CDH13: variants seen among roughly 807,000 people sequenced by gnomAD.
The protein encoded by CDH13 is cadherin-13.
Under a neutral mutation model 63.8 loss-of-function variants are expected in CDH13, and 24 were observed. That is an observed-to-expected ratio of 0.38 (90% CI 0.27 to 0.53). The LOEUF is 0.53. Ranked by LOEUF, CDH13 falls within the 20% of genes least tolerant of loss-of-function variation. The pLI, the probability that CDH13 is intolerant of heterozygous loss-of-function variation, is 0.85. For missense variants in CDH13, 1,049 were observed against 903.1 expected (o/e 1.16, Z -2.07); for synonymous variants, 503 against 355.3 (o/e 1.42, Z -4.67).
In CDH13 at chr16:82,683,103, C is replaced by T. The variant is rs16958238; in HGVS notation, c.45+55966C>T. On this transcript the variant is annotated intron_variant, in intron 1 of 13. Transcript: ENST00000567109. ...AAACTAGGGGTTGTAATAGCAGAAA[C>T]AGTCATCAGTATCCAGTGAAACAAT... is the stretch of plus-strand genomic sequence containing the variant. 5.5e-3 allele frequency among the ~76,000 whole-genome samples: 834 copies of T among 152,304 alleles called. 7 individuals are homozygous for T. The highest frequency in any genetic ancestry group is 0.019 in the African/African-American group (789 of 41,566).
At chr16:82,930,224 G>T (rs181675407) in intron 2 of CDH13, among the ~76,000 whole-genome samples, 55 of 151,976 alleles carry the variant, frequency 3.6e-4, no homozygotes, top group African/African-American at 1.3e-3. Context: ...AGATTCACCT[G>T]CCTCTGCCTC....
At chr16:83,321,121 C>T (rs2090214476) in intron 5 of CDH13, among the ~76,000 whole-genome samples, 1 of 152,194 alleles carries the variant, frequency 6.6e-6, no homozygotes, top group African/African-American at 2.4e-5. Flanking sequence ...AGGGGGCCTT[C>T]CTGATGTCTC....
At chr16:83,448,628 C>G (rs920403165) in intron 6 of CDH13, among the ~76,000 whole-genome samples, 6 of 152,170 alleles carry the variant, frequency 3.9e-5, no homozygotes, top group African/African-American at 1.4e-4. Flanking sequence ...ATCATTATAG[C>G]TCCTCCTCCT....
intron 2 of CDH13, among the ~76,000 whole-genome samples, chr16:82,962,136 G>T (rs945905383): frequency 2.0e-5 from 3 of 152,200 alleles, no homozygotes; most frequent in African/African-American, 4.8e-5. Flanking sequence ...TAAGTTGGGG[G>T]TCTTGAGATC....
chr16:83,082,142 A>G (rs2033296942), intron 3 of CDH13, among the ~76,000 whole-genome samples: 1 of 152,162 alleles, frequency 6.6e-6, no homozygotes, highest in African/African-American at 2.4e-5. Context: ...ATGTTATCAC[A>G]TTGGGGTTTA....
At chr16:83,557,003 A>G (rs2075616892) in intron 7 of CDH13, among the ~76,000 whole-genome samples, 1 of 152,208 alleles carries the variant, frequency 6.6e-6, no homozygotes, top group African/African-American at 2.4e-5. Context: ...CAGGCCCCAC[A>G]GCAGGAGAGG....
chr16:82,871,023 C>A (rs755827003), intron 2 of CDH13, among the ~76,000 whole-genome samples: 6 of 152,160 alleles, frequency 3.9e-5, no homozygotes, highest in Non-Finnish European at 5.9e-5. Context: ...TAAGACTGTT[C>A]ATGGAGTCAA....
At chr16:82,799,991 T>G (rs925926202) in intron 1 of CDH13, among the ~76,000 whole-genome samples, 4 of 152,214 alleles carry the variant, frequency 2.6e-5, no homozygotes, top group Non-Finnish European at 5.9e-5. Context: ...ATCTATTTTC[T>G]AAGCAGATGT....
intron 5 of CDH13, among the ~76,000 whole-genome samples, chr16:83,322,237 C>G (rs971968501): frequency 2.6e-5 from 4 of 152,152 alleles, no homozygotes; most frequent in African/African-American, 9.7e-5. Flanking sequence ...GCTGGTGTCT[C>G]TCTGGAGCAG....
At chr16:83,022,103 C>G (rs1915397649) in intron 2 of CDH13, among the ~76,000 whole-genome samples, 1 of 152,148 alleles carries the variant, frequency 6.6e-6, no homozygotes, top group African/African-American at 2.4e-5. Context: ...AAGGTGGTGC[C>G]TCTGGATGCC....
intron 2 of CDH13, among the ~76,000 whole-genome samples, chr16:83,007,356 T>C (rs1451051634): frequency 1.3e-5 from 2 of 152,334 alleles, no homozygotes; most frequent in African/African-American, 4.8e-5. Context: ...TATATTAACA[T>C]GAAACCCATT....
chr16:83,105,202 C>T (rs190159770), intron 3 of CDH13, among the ~76,000 whole-genome samples: 3 of 152,174 alleles, frequency 2.0e-5, no homozygotes, highest in African/African-American at 4.8e-5. Context: ...CTGCTTTCCC[C>T]AGGATCACCG....
At chr16:83,606,646 G>C (rs1019541164) in intron 8 of CDH13, among the ~76,000 whole-genome samples, 1 of 151,230 alleles carries the variant, frequency 6.6e-6, no homozygotes, top group African/African-American at 2.4e-5. Context: ...AGGATCATTT[G>C]AGCCTGGAAG....
chr16:83,684,955 C>T (rs755665256), intron 10 of CDH13, among the ~76,000 whole-genome samples: 82 of 152,034 alleles, frequency 5.4e-4, no homozygotes, highest in Non-Finnish European at 1.0e-3. Context: ...CCCACACGGC[C>T]CCACACAGGG....
At chr16:83,695,963 C>G (rs189369948) in intron 10 of CDH13, among the ~76,000 whole-genome samples, 213 of 151,874 alleles carry the variant, frequency 1.4e-3, no homozygotes, top group Non-Finnish European at 2.3e-3. Context: ...AGTCTCGGCT[C>G]CCTACAACCT....
chr16:83,773,153 T>C (rs1248273641), intron 11 of CDH13, among the ~76,000 whole-genome samples: 1 of 152,146 alleles, frequency 6.6e-6, no homozygotes, highest in Non-Finnish European at 1.5e-5. Flanking sequence ...CAAAGAGATG[T>C]CAGGTCCTTG....
chr16:83,654,780 G>T (rs1046246270), intron 8 of CDH13: 1 of 152,166 alleles, frequency 6.6e-6, no homozygotes, highest in African/African-American at 2.4e-5. Context: ...AGGCCTACGG[G>T]TTAATGGATG....
At chr16:83,771,798 G>C (rs1174157703) in intron 11 of CDH13, among the ~76,000 whole-genome samples, 1 of 152,212 alleles carries the variant, frequency 6.6e-6, no homozygotes, top group Non-Finnish European at 1.5e-5. Context: ...TTTGTTTCCA[G>C]ATATCTGTGC....
intron 3 of CDH13, among the ~76,000 whole-genome samples, chr16:83,102,911 CTTTTTTTTTTTTCTTTTTCT>C (rs1352125280): frequency 3.1e-5 from 3 of 96,600 alleles, no homozygotes; most frequent in South Asian, 6.0e-4. Flanking sequence ...ATTAAACTTT[CTTTTTTTTTTTTCTTTTTCT>C]TTTTTTTTTT....
Sources: allele counts gnomAD v4.1 joint callset (sites outside exome capture counted in the v4.1 genomes callset), GRCh38; gene constraint gnomAD v4.1.1; transcripts MANE v1.5; gene names NCBI Gene and HGNC (gene_info 2026-07-23, HGNC 2026-07-21).